GLRA1: variants seen among roughly 807,000 people sequenced by gnomAD.
The protein encoded by GLRA1 is glycine receptor subunit alpha-1.
In GLRA1, 37 loss-of-function variants were observed where a neutral mutation model predicts 48.3. The observed-to-expected ratio is 0.77, with a 90% CI of 0.59 to 1.01. The LOEUF (loss-of-function observed/expected upper bound fraction) is 1.01. GLRA1 is among the 50% of genes least tolerant of loss of function. The pLI is 0.00. For synonymous variants in GLRA1, 196 were observed against 210.7 expected, an observed-to-expected ratio of 0.93 and a Z score of 0.60; for missense variants, 427 against 571.0, an observed-to-expected ratio of 0.75 and a Z score of 2.57.
intron 3 of GLRA1, among the ~76,000 whole-genome samples, chr5:151,870,698 G>T (rs1195892634): frequency 6.7e-6 from 1 of 149,618 alleles, no homozygotes; most frequent in Non-Finnish European, 1.5e-5. Context: ...TATATTTGTG[G>T]AAACACCAAC....
chr5:151,849,090 T>G (rs913437543), intron 7 of GLRA1: 1 of 329,438 alleles, frequency 3.0e-6, no homozygotes, highest in Non-Finnish European at 5.5e-6. Context: ...TTTCTTTCCT[T>G]TTTATTTCTT....
chr5:151,865,978 A>T (rs1436143733), intron 3 of GLRA1, among the ~76,000 whole-genome samples: 2 of 152,230 alleles, frequency 1.3e-5, no homozygotes, highest in East Asian at 1.9e-4. Context: ...TTATTTGGCC[A>T]TAGCTATACG....
intron 7 of GLRA1, among the ~76,000 whole-genome samples, chr5:151,843,493 C>G (rs1752565366): frequency 6.6e-6 from 1 of 151,902 alleles, no homozygotes; most frequent in African/African-American, 2.4e-5. Flanking sequence ...GATCTCCTGA[C>G]CTTGTGATCT....
chr5:151,838,979 T>C (rs1763643702), intron 7 of GLRA1, among the ~76,000 whole-genome samples: 1 of 152,056 alleles, frequency 6.6e-6, no homozygotes, highest in Non-Finnish European at 1.5e-5. Flanking sequence ...TTCAAGAAAT[T>C]CTCCTGCAAA....
intron 7 of GLRA1, among the ~76,000 whole-genome samples, chr5:151,833,817 CAGG>C (rs1763492976): frequency 2.5e-5 from 2 of 79,176 alleles, no homozygotes; most frequent in African/African-American, 1.0e-4. Context: ...AAAAAAAAAG[CAGG>C]GGTTGCAATC....
intron 7 of GLRA1, among the ~76,000 whole-genome samples, chr5:151,835,198 CAT>C (rs1014426594): frequency 6.6e-6 from 1 of 152,044 alleles, no homozygotes; most frequent in Non-Finnish European, 1.5e-5. Context: ...TTCCTGGACA[CAT>C]ACACCCTCCC....
intron 3 of GLRA1, among the ~76,000 whole-genome samples, chr5:151,866,862 G>T (rs1446403427): frequency 1.3e-5 from 2 of 152,150 alleles, no homozygotes; most frequent in Non-Finnish European, 2.9e-5. Flanking sequence ...CCAGCACTTT[G>T]GGAGGCCAAA....
chr5:151,883,307 T>C (rs1045927555), intron 3 of GLRA1, among the ~76,000 whole-genome samples: 17 of 152,346 alleles, frequency 1.1e-4, no homozygotes, highest in African/African-American at 4.1e-4. Flanking sequence ...TGGCATGATA[T>C]TGGGTTGGAT....
intron 7 of GLRA1, chr5:151,849,840 C>T: frequency 7.5e-7 from 1 of 1,331,716 alleles, no homozygotes; most frequent in Non-Finnish European, 9.8e-7. Context: ...AGGCATGAGC[C>T]ACCATGCCTA....
chr5:151,860,115 T>C, intron 3 of GLRA1, 107 bp from the exon 4 acceptor site: 2 of 776,306 alleles, frequency 2.6e-6, no homozygotes, highest in Non-Finnish European at 4.5e-6. Context: ...GAGGATGTTA[T>C]TAAGTGTGGT....
chr5:151,922,440 G>A (rs572202795), intron 1 of GLRA1, among the ~76,000 whole-genome samples: 101 of 152,100 alleles, frequency 6.6e-4, no homozygotes, highest in Non-Finnish European at 1.0e-3. Flanking sequence ...TTCAATTATT[G>A]TCTGTATTGT....
chr5:151,921,796 A>C (rs1485881437), intron 1 of GLRA1, among the ~76,000 whole-genome samples: 1 of 152,228 alleles, frequency 6.6e-6, no homozygotes, highest in Non-Finnish European at 1.5e-5. Flanking sequence ...ATTGACTCTC[A>C]GAATGCCACT....
intron 1 of GLRA1, among the ~76,000 whole-genome samples, chr5:151,903,418 C>T (rs1754408521): frequency 6.6e-6 from 1 of 152,138 alleles, no homozygotes; most frequent in Admixed American, 6.6e-5. Flanking sequence ...TTTAGGGACT[C>T]TCCAGGGCTC....
chr5:151,826,138 A>G (rs1321230592), intron 8 of GLRA1, among the ~76,000 whole-genome samples: 7 of 152,216 alleles, frequency 4.6e-5, no homozygotes, highest in African/African-American at 1.7e-4. Context: ...AAGGGATGGT[A>G]TTAACTGGAA....
intron 7 of GLRA1, among the ~76,000 whole-genome samples, chr5:151,847,447 G>A (rs915493384): frequency 2.0e-5 from 3 of 152,170 alleles, no homozygotes; most frequent in Non-Finnish European, 2.9e-5. Flanking sequence ...TATGTTTAGC[G>A]TTAAAACTGA....
chr5:151,871,856 GC>G (rs1753495592), intron 3 of GLRA1, among the ~76,000 whole-genome samples: 1 of 149,744 alleles, frequency 6.7e-6, no homozygotes, highest in Non-Finnish European at 1.5e-5. Context: ...GAACCACCGC[GC>G]CCGGCCGTGA....
At position 151,907,132 on chromosome 5, in the gene GLRA1, C is replaced by T. The variant is rs145013254; in HGVS notation, c.57-14694G>A. Among the ~76,000 whole-genome samples, 1,223 of 152,186 alleles carry T rather than the reference C, an allele frequency of 8.0e-3. 20 individuals carry two copies. Among genetic ancestry groups the T allele is most frequent in the African/African-American group, 0.028 (1,151 of 41,514 alleles). Reference sequence around the variant, plus strand: ...GGTGTTCTGGAAAGTTGCTTAACTTCTCTGAGCCTGTTTCTTCATCTATAA... The same window carrying T: ...GGTGTTCTGGAAAGTTGCTTAACTTTTCTGAGCCTGTTTCTTCATCTATAA... On this transcript the variant is annotated intron_variant, in intron 1 of 8. Coordinates refer to ENST00000274576, the MANE Select transcript of GLRA1 (RefSeq NM_000171.4).
At chr5:151,853,561 T>A (rs532973309) in intron 6 of GLRA1, among the ~76,000 whole-genome samples, 1 of 152,188 alleles carries the variant, frequency 6.6e-6, no homozygotes, top group South Asian at 2.1e-4. Context: ...TGGCCTTTTT[T>A]TTCTTTTTCT....
chr5:151,905,383 G>A (rs1299891313), intron 1 of GLRA1, among the ~76,000 whole-genome samples: 1 of 151,626 alleles, frequency 6.6e-6, no homozygotes, highest in Non-Finnish European at 1.5e-5. Flanking sequence ...ATTTTCTATT[G>A]CTATTAAATC....
Sources: gnomAD v4.1 joint callset for allele counts (sites outside exome capture counted in the v4.1 genomes callset) on GRCh38, gnomAD v4.1.1 for gene constraint, MANE v1.5 for transcripts, NCBI Gene and HGNC (gene_info 2026-07-23, HGNC 2026-07-21) for gene names.